Variants in SYNE1 observed in about 807,000 individuals in gnomAD.
SYNE1 encodes the protein nesprin-1.
A neutral mutation model predicts 1,111.0 loss-of-function variants in SYNE1; 616 were observed. That is an observed-to-expected ratio of 0.55 (90% CI 0.52 to 0.59). SYNE1 has a LOEUF of 0.59. SYNE1 is among the 20% of genes least tolerant of loss of function. The probability of loss-of-function intolerance (pLI) is 0.00; values close to 1 mark genes in which losing one functional copy is unlikely to be tolerated. For missense variants in SYNE1, 10,006 were observed against 10,417.0 expected (o/e 0.96, Z 1.72); for synonymous variants, 3,855 against 3,825.8 (o/e 1.01, Z -0.28).
intron 127 of SYNE1, among the ~76,000 whole-genome samples, chr6:152,201,533 G>C (rs559255332): frequency 4.6e-5 from 7 of 150,864 alleles, no homozygotes; most frequent in Non-Finnish European, 8.8e-5. Flanking sequence ...TCCCCAGTGT[G>C]GATGCTTCAA....
intron 139 of SYNE1, among the ~76,000 whole-genome samples, chr6:152,140,850 G>A (rs951303187): frequency 4.6e-5 from 7 of 151,708 alleles, no homozygotes; most frequent in African/African-American, 1.5e-4. Flanking sequence ...TGGCTAACAC[G>A]GTGAAACCCC....
chr6:152,244,899 G>C (rs1464591004), intron 105 of SYNE1, among the ~76,000 whole-genome samples: 1 of 152,098 alleles, frequency 6.6e-6, no homozygotes, highest in Non-Finnish European at 1.5e-5. Flanking sequence ...AGAAAGTCAG[G>C]GTAGAGGGCT....
intron 117 of SYNE1, among the ~76,000 whole-genome samples, chr6:152,222,754 A>T (rs906033021): frequency 6.6e-6 from 1 of 152,216 alleles, no homozygotes; most frequent in African/African-American, 2.4e-5. Flanking sequence ...GAAAAGAAAG[A>T]TGTTGATCAA....
rs747984490 is a variant in SYNE1, at chr6:152,451,043, G to A, written c.3186+4C>T. The stretch of plus-strand genomic sequence containing the variant: ...CTATCCACATTGTGGTGTGGGAGAC[G>A]TACCCTGTGCTCTTTAATTATCTTT... On this transcript the variant is annotated splice_donor_region_variant and intron_variant, in intron 26 of 145. Coordinates refer to ENST00000367255, the MANE Select transcript of SYNE1 (RefSeq NM_182961.4). The A allele has an allele frequency of 2.9e-5, 47 of 1,613,972 alleles. No individual in the cohort carries two copies. Among genetic ancestry groups the A allele is most frequent in the Admixed American group, 1.5e-4 (9 of 60,006 alleles).
rs967073544 is a variant in SYNE1, at chr6:152,336,700, G to A, written c.12528+141C>T. On this transcript the variant is annotated intron_variant, in intron 76 of 145. Coordinates refer to ENST00000367255, the MANE Select transcript of SYNE1 (RefSeq NM_182961.4). ...TGCTTGTCCATAACCTGGGGCTTGGGGACCTCTGCCTTAAAGAGTTGTATT... is the reference window on the plus strand; with the variant it reads ...TGCTTGTCCATAACCTGGGGCTTGGAGACCTCTGCCTTAAAGAGTTGTATT... The A allele has an allele frequency of 7.2e-6, 8 of 1,113,774 alleles. No individual in the cohort carries two copies. The Admixed American group carries it at 1.5e-4, about 21-fold the overall frequency. 69.0% of individuals were successfully genotyped at this position (1,113,774 alleles called of 1,614,324 possible).
chr6:152,207,288 G>C (rs1025503886), intron 125 of SYNE1, among the ~76,000 whole-genome samples: 12 of 152,192 alleles, frequency 7.9e-5, no homozygotes. Context: ...CAAGGCATCT[G>C]TGATGCACAT....
At chr6:152,135,005 A>G (rs2095367222) in intron 142 of SYNE1, 99 bp downstream of exon 142, 1 of 1,564,412 alleles carries the variant, frequency 6.4e-7, no homozygotes, top group Non-Finnish European at 8.7e-7. Flanking sequence ...AAAAAGTTAA[A>G]AAAAAAGAAA....
At chr6:152,197,720 A>G (rs774106971) in intron 127 of SYNE1, among the ~76,000 whole-genome samples, 3 of 152,158 alleles carry the variant, frequency 2.0e-5, no homozygotes, top group Non-Finnish European at 4.4e-5. Context: ...ACTGTACTGT[A>G]AACAGATATG....
Position 152,354,674 on chromosome 6 carries a change from T to C in SYNE1, c.10911A>G (p.Gln3637=), listed in dbSNP as rs2096803110. 3 of 1,614,198 alleles carry C rather than the reference T, an allele frequency of 1.9e-6. No homozygotes were observed. The highest frequency in any genetic ancestry group is 2.7e-5 in the African/African-American group (2 of 75,058). Residue 3637 remains glutamine (Q), a synonymous_variant, in exon 67 of 146, where the codon CAA becomes CAG. Coordinates refer to ENST00000367255, the MANE Select transcript of SYNE1 (RefSeq NM_182961.4). ...RQSNRATKEI[Q]LHQMKKWHEE... ...TGAGTTGTACCTTCATCTGATGTAA[T>C]TGTATCTCCTTGGTTGCCCTGTTAG...
chr6:152,492,826 G>C (rs2098978545), intron 11 of SYNE1, among the ~76,000 whole-genome samples: 1 of 152,172 alleles, frequency 6.6e-6, no homozygotes. Context: ...TCAAGGGCCT[G>C]TTTACCTTGC....
chr6:152,557,899 A>G (rs9479342), intron 3 of SYNE1, among the ~76,000 whole-genome samples: 18,042 of 152,004 alleles, frequency 0.12, 1,928 homozygotes, highest in African/African-American at 0.28. Context: ...TAAAGGTAAC[A>G]TATAGTCAAA....
chr6:152,206,523 A>C (rs1476806716), intron 125 of SYNE1, among the ~76,000 whole-genome samples, 161 bp from the exon 126 acceptor site: 2 of 152,240 alleles, frequency 1.3e-5, no homozygotes, highest in African/African-American at 2.4e-5. Context: ...ATGAGTGAGA[A>C]TACAATGGAG....
At chr6:152,221,645 T>C in intron 117 of SYNE1, 86 bp from the exon 118 acceptor site, 1 of 1,544,610 alleles carries the variant, frequency 6.5e-7, no homozygotes. Context: ...TATGTTTTCA[T>C]AAATATGTAC....
chr6:152,192,471 T>C (rs2072786631), intron 127 of SYNE1, among the ~76,000 whole-genome samples: 1 of 152,038 alleles, frequency 6.6e-6, no homozygotes, highest in Non-Finnish European at 1.5e-5. Flanking sequence ...AAATTAAATG[T>C]ATATTATTAT....
At chr6:152,223,267 A>G (rs1375394582) in intron 117 of SYNE1, among the ~76,000 whole-genome samples, 1 of 152,196 alleles carries the variant, frequency 6.6e-6, no homozygotes, top group East Asian at 1.9e-4. Context: ...TTAAGGGTTA[A>G]GAAATTATAT....
chr6:152,351,392 TC>T (rs1271826113), intron 70 of SYNE1, among the ~76,000 whole-genome samples: 2 of 152,220 alleles, frequency 1.3e-5, no homozygotes, highest in East Asian at 3.9e-4. Context: ...CACACTGTAA[TC>T]CTTAAAAGGT....
chr6:152,183,593 G>GA (rs917228400), intron 128 of SYNE1, among the ~76,000 whole-genome samples: 13 of 150,030 alleles, frequency 8.7e-5, no homozygotes, highest in African/African-American at 1.5e-4. Flanking sequence ...AGAGTGAGAA[G>GA]AAAAAAAAAG....
intron 131 of SYNE1, among the ~76,000 whole-genome samples, chr6:152,160,988 C>T (rs1586556543): frequency 1.3e-5 from 2 of 151,086 alleles, no homozygotes; most frequent in Admixed American, 6.6e-5. Flanking sequence ...TACACATATA[C>T]GTGTAATCTT....
At chr6:152,172,808 C>T (rs1020532532) in intron 130 of SYNE1, among the ~76,000 whole-genome samples, 4 of 152,240 alleles carry the variant, frequency 2.6e-5, no homozygotes, top group African/African-American at 9.6e-5. Context: ...TAGGCCACTG[C>T]TGAACAACAG....
Sources: allele counts gnomAD v4.1 joint callset (sites outside exome capture counted in the v4.1 genomes callset), GRCh38; gene constraint gnomAD v4.1.1; transcripts MANE v1.5; gene names NCBI Gene and HGNC (gene_info 2026-07-23, HGNC 2026-07-21).